TOX: variants seen among roughly 807,000 people sequenced by gnomAD.
The protein encoded by TOX is thymocyte selection associated high mobility group box, also known as thymocyte selection-associated high mobility group box protein TOX.
Under a neutral mutation model 53.7 loss-of-function variants are expected in TOX, and 11 were observed. The ratio of observed to expected loss-of-function variants is 0.20; its 90% CI spans 0.13 to 0.34. The LOEUF (loss-of-function observed/expected upper bound fraction) is 0.34, where lower values mean the gene tolerates loss of function less well. Ranked by LOEUF, TOX falls within the 10% of genes least tolerant of loss-of-function variation. The pLI, the probability that TOX is intolerant of heterozygous loss-of-function variation, is 1.00. For missense variants in TOX, 570 were observed against 664.6 expected, an observed-to-expected ratio of 0.86 and a Z score of 1.56; for synonymous variants, 225 against 245.3, an observed-to-expected ratio of 0.92 and a Z score of 0.77.
chr8:58,837,451 C>T (rs1055478084), intron 5 of TOX, among the ~76,000 whole-genome samples: 2 of 152,232 alleles, frequency 1.3e-5, no homozygotes, highest in Admixed American at 6.5e-5. Context: ...TCTTTAAGAC[C>T]TTCTGAGCTA....
intron 1 of TOX, among the ~76,000 whole-genome samples, chr8:59,015,657 A>G (rs1162894673): frequency 6.6e-6 from 1 of 152,218 alleles, no homozygotes; most frequent in East Asian, 1.9e-4. Context: ...TGCTTTATCT[A>G]TTGGTTTGCT....
At chr8:59,054,172 T>C (rs1430384177) in intron 1 of TOX, among the ~76,000 whole-genome samples, 3 of 152,236 alleles carry the variant, frequency 2.0e-5, no homozygotes, top group Non-Finnish European at 2.9e-5. Context: ...TGCCAATTTA[T>C]TTTAATTATT....
intron 3 of TOX, among the ~76,000 whole-genome samples, chr8:58,890,272 A>G (rs1386706140): frequency 6.6e-6 from 1 of 152,160 alleles, no homozygotes; most frequent in Non-Finnish European, 1.5e-5. Flanking sequence ...ATGCATCAAC[A>G]ATTAAAAGCA....
At chr8:58,855,808 G>A (rs1017479204) in intron 3 of TOX, among the ~76,000 whole-genome samples, 6 of 152,070 alleles carry the variant, frequency 3.9e-5, no homozygotes, top group Non-Finnish European at 8.8e-5. Flanking sequence ...AAATCCAATT[G>A]CTCCTTTTTT....
Position 59,072,264 on chromosome 8 carries a change from A to G in TOX, c.102+46622T>C, listed in dbSNP as rs141535163. On this transcript the variant is annotated intron_variant, in intron 1 of 8. Transcript: ENST00000361421. ...GTGTAAAAATACCAGTTTAGATTGT[A>G]TCTTTCCTTGACCATCAAGGCATTC... Among the ~76,000 whole-genome samples, 249 of 152,376 alleles carry G rather than the reference A, an allele frequency of 1.6e-3. 1 individual carries two copies. The highest frequency in any genetic ancestry group is 5.8e-3 in the African/African-American group (240 of 41,592).
At chr8:58,934,421 G>A (rs1287429571) in intron 3 of TOX, among the ~76,000 whole-genome samples, 1 of 152,112 alleles carries the variant, frequency 6.6e-6, no homozygotes, top group Admixed American at 6.5e-5. Context: ...TCAGAAAGAG[G>A]TTCCCATTGA....
chr8:59,085,167 T>A (rs541343128), intron 1 of TOX, among the ~76,000 whole-genome samples: 1 of 152,322 alleles, frequency 6.6e-6, no homozygotes, highest in East Asian at 1.9e-4. Flanking sequence ...TACCAAACTT[T>A]AATGAAAGCA....
At chr8:58,848,111 C>T (rs1810748109) in intron 4 of TOX, among the ~76,000 whole-genome samples, 1 of 151,970 alleles carries the variant, frequency 6.6e-6, no homozygotes. Context: ...ACAACAATAA[C>T]AGCTCCCAAT....
In TOX at chr8:59,107,052, G is replaced by C. The variant is rs75539497; in HGVS notation, c.102+11834C>G. 3.7e-4 allele frequency among the ~76,000 whole-genome samples: 50 copies of C among 133,936 alleles called. 7 individuals are homozygous for C. Among genetic ancestry groups the C allele is most frequent in the Non-Finnish European group, 7.5e-4 (47 of 62,752 alleles). 87.9% of individuals were successfully genotyped at this position (133,936 alleles called of 152,430 possible). A position where few individuals can be genotyped will look rare whatever the true frequency, so the allele number is the denominator to read the frequency against. ...ATCTTATAAAGCAGTTTGCTGGGGG[G>C]GGGGGGAACGTGACATTTCTAATTC... On this transcript the variant is annotated intron_variant, in intron 1 of 8. Transcript: ENST00000361421.
At chr8:58,993,989 C>T (rs1248849662) in intron 1 of TOX, among the ~76,000 whole-genome samples, 2 of 151,930 alleles carry the variant, frequency 1.3e-5, no homozygotes, top group Non-Finnish European at 2.9e-5. Flanking sequence ...AAAAATAGAA[C>T]ACAGTCTATT....
chr8:59,013,091 T>C (rs1813939816), intron 1 of TOX, among the ~76,000 whole-genome samples: 1 of 152,202 alleles, frequency 6.6e-6, no homozygotes, highest in East Asian at 1.9e-4. Context: ...TATTCCTTCA[T>C]AGAACTATTG....
chr8:58,939,567 T>C (rs1468165814), intron 2 of TOX, 23 bp from the exon 3 acceptor site: 2 of 1,587,574 alleles, frequency 1.3e-6, no homozygotes, highest in East Asian at 2.2e-5. Flanking sequence ...AAAAGTGACA[T>C]TGTTGCAAAT....
At chr8:59,107,140 T>A (rs1338727238) in intron 1 of TOX, among the ~76,000 whole-genome samples, 2 of 151,496 alleles carry the variant, frequency 1.3e-5, no homozygotes, top group Admixed American at 1.3e-4. Flanking sequence ...TAAACTCACT[T>A]GAAAAGTGAC....
At chr8:58,922,901 A>G (rs1812095989) in intron 3 of TOX, among the ~76,000 whole-genome samples, 1 of 152,182 alleles carries the variant, frequency 6.6e-6, no homozygotes, top group South Asian at 2.1e-4. Flanking sequence ...GAGCAGTGAC[A>G]TTTGAGCTGA....
intron 1 of TOX, among the ~76,000 whole-genome samples, chr8:59,097,005 T>C (rs1328348770): frequency 6.6e-6 from 1 of 152,160 alleles, no homozygotes; most frequent in Non-Finnish European, 1.5e-5. Context: ...CCAGGTGAGA[T>C]GCATATTTTA....
At chr8:59,023,187 G>A (rs1814168446) in intron 1 of TOX, among the ~76,000 whole-genome samples, 1 of 152,138 alleles carries the variant, frequency 6.6e-6, no homozygotes, top group Admixed American at 6.6e-5. Context: ...CTTAGCTTAT[G>A]TGTGTTCAGT....
At chr8:59,107,260 G>A (rs2129424732) in intron 1 of TOX, among the ~76,000 whole-genome samples, 1 of 152,208 alleles carries the variant, frequency 6.6e-6, no homozygotes, top group South Asian at 2.1e-4. Flanking sequence ...AAGCTCTGTA[G>A]AAAATATTAT....
intron 5 of TOX, among the ~76,000 whole-genome samples, chr8:58,831,981 G>A (rs1231066054): frequency 6.6e-6 from 1 of 151,834 alleles, no homozygotes; most frequent in Non-Finnish European, 1.5e-5. Context: ...CCAACATCAT[G>A]GAAAATTTCA....
At chr8:58,859,844 C>T (rs1334827621) in intron 3 of TOX, among the ~76,000 whole-genome samples, 3 of 152,014 alleles carry the variant, frequency 2.0e-5, no homozygotes, top group Non-Finnish European at 4.4e-5. Flanking sequence ...ACCATGTCAC[C>T]AGTTTTGGTG....
Sources: gnomAD v4.1 joint callset for allele counts (sites outside exome capture counted in the v4.1 genomes callset) on GRCh38, gnomAD v4.1.1 for gene constraint, MANE v1.5 for transcripts, NCBI Gene and HGNC (gene_info 2026-07-23, HGNC 2026-07-21) for gene names.